The following PLA2G4A variants were observed in gnomAD, a reference collection of about 807,000 sequenced individuals.
The protein encoded by PLA2G4A is cytosolic phospholipase A2.
PLA2G4A carries 40 observed loss-of-function variants against 81.9 expected under a neutral mutation model. That is an observed-to-expected ratio of 0.49 (90% CI 0.38 to 0.64). The LOEUF (loss-of-function observed/expected upper bound fraction) is 0.64, where lower values mean the gene tolerates loss of function less well. Ranked by LOEUF, PLA2G4A falls within the 30% of genes least tolerant of loss-of-function variation. The probability of loss-of-function intolerance (pLI) is 0.00; values close to 1 mark genes in which losing one functional copy is unlikely to be tolerated. For synonymous variants in PLA2G4A, 302 were observed against 296.9 expected, an observed-to-expected ratio of 1.02 and a Z score of -0.18; for missense variants, 715 against 905.1, an observed-to-expected ratio of 0.79 and a Z score of 2.69.
chr1:186,852,727 C>A (rs12720493), intron 1 of PLA2G4A, among the ~76,000 whole-genome samples: 1 of 151,948 alleles, frequency 6.6e-6, no homozygotes, highest in Non-Finnish European at 1.5e-5. Flanking sequence ...AAGGCCCCAC[C>A]TCCCAATACC....
chr1:186,950,449 T>A (rs928691948), intron 12 of PLA2G4A, among the ~76,000 whole-genome samples: 1 of 152,156 alleles, frequency 6.6e-6, no homozygotes, highest in African/African-American at 2.4e-5. Flanking sequence ...AACTAATTTT[T>A]CATGTCCCAG....
chr1:186,924,040 T>C (rs1655457476), intron 7 of PLA2G4A, among the ~76,000 whole-genome samples: 1 of 152,218 alleles, frequency 6.6e-6, no homozygotes, highest in Admixed American at 6.5e-5. Context: ...CTCCCTTTGC[T>C]TTCAAATGCA....
At chr1:186,984,159 C>T (rs1449888903) in intron 17 of PLA2G4A, among the ~76,000 whole-genome samples, 1 of 152,028 alleles carries the variant, frequency 6.6e-6, no homozygotes, top group Non-Finnish European at 1.5e-5. Context: ...ATTTCATTGA[C>T]TTACTGTGGG....
chr1:186,829,420 C>G (rs1307443750), intron 1 of PLA2G4A, among the ~76,000 whole-genome samples: 1 of 152,222 alleles, frequency 6.6e-6, no homozygotes, highest in East Asian at 1.9e-4. Flanking sequence ...TGCTGTTTGA[C>G]AGCCCTAGCG....
intron 1 of PLA2G4A, among the ~76,000 whole-genome samples, chr1:186,848,576 T>C (rs1652267392): frequency 6.6e-6 from 1 of 152,298 alleles, no homozygotes; most frequent in African/African-American, 2.4e-5. Context: ...AGAAAAGTTC[T>C]GAGGCTGCCT....
At chr1:186,949,503 G>A (rs185152411) in intron 12 of PLA2G4A, among the ~76,000 whole-genome samples, 69 of 152,054 alleles carry the variant, frequency 4.5e-4, no homozygotes, top group African/African-American at 1.5e-3. Context: ...ATGGCACCTG[G>A]GATAGATCAT....
intron 2 of PLA2G4A, among the ~76,000 whole-genome samples, chr1:186,867,457 C>T (rs948600623): frequency 2.6e-5 from 4 of 151,862 alleles, no homozygotes; most frequent in Non-Finnish European, 5.9e-5. Context: ...TTGGGGAGTG[C>T]TAATATAAGT....
intron 1 of PLA2G4A, among the ~76,000 whole-genome samples, chr1:186,829,600 A>G (rs896947386): frequency 6.6e-6 from 1 of 151,966 alleles, no homozygotes; most frequent in Admixed American, 6.6e-5. Flanking sequence ...CTGATGATCC[A>G]CCCTTCCCCT....
intron 5 of PLA2G4A, among the ~76,000 whole-genome samples, chr1:186,895,766 G>A (rs1471105557): frequency 3.3e-5 from 5 of 152,210 alleles, no homozygotes; most frequent in African/African-American, 1.2e-4. Flanking sequence ...TTTTGAACAA[G>A]TTGAACAGTG....
chr1:186,929,816 A>G (rs1020358177), intron 7 of PLA2G4A, among the ~76,000 whole-genome samples: 1 of 152,204 alleles, frequency 6.6e-6, no homozygotes, highest in African/African-American at 2.4e-5. Flanking sequence ...AATCCCAGCA[A>G]GTTGGGAGGG....
chr1:186,960,047 A>G (rs1262467487), intron 14 of PLA2G4A, among the ~76,000 whole-genome samples: 2 of 152,166 alleles, frequency 1.3e-5, no homozygotes, highest in African/African-American at 4.8e-5. Context: ...AAAGTGCGCT[A>G]TTTTTGTGCC....
At chr1:186,903,124 T>C (rs909026534) in intron 5 of PLA2G4A, among the ~76,000 whole-genome samples, 61 of 152,148 alleles carry the variant, frequency 4.0e-4, no homozygotes, top group African/African-American at 1.4e-3. Flanking sequence ...TGACTTTATT[T>C]ATTATCCTGC....
rs1281736503 is a variant in PLA2G4A, at chr1:186,907,019, A to G, written c.416+17A>G. On this transcript the variant is annotated intron_variant, in intron 6 of 17. Transcript: ENST00000367466. The stretch of plus-strand genomic sequence containing the variant: ...TGAAGTTTGGTAAGTGCATTTATTT[A>G]GTTGGATGAGAAATATTGTGAGTGA... The G allele has an allele frequency of 2.2e-6, 3 of 1,360,920 alleles. No homozygotes were observed. The highest frequency in any genetic ancestry group is 1.2e-5 in the South Asian group (1 of 85,344). The allele number at this position is 1,360,920 out of a possible 1,614,324, so 84.3% of individuals were successfully genotyped here. A position where few individuals can be genotyped will look rare whatever the true frequency, so the allele number is the denominator to read the frequency against.
intron 7 of PLA2G4A, among the ~76,000 whole-genome samples, chr1:186,931,802 A>G (rs1655756516): frequency 6.6e-6 from 1 of 152,146 alleles, no homozygotes; most frequent in South Asian, 2.1e-4. Context: ...AGCATTTGTA[A>G]GACTGAGTGC....
chr1:186,893,962 T>A, intron 4 of PLA2G4A, 136 bp from the exon 5 acceptor site: 1 of 639,094 alleles, frequency 1.6e-6, no homozygotes, highest in South Asian at 1.8e-5. Context: ...TTGTTACTAA[T>A]TAAATATTGA....
intron 7 of PLA2G4A, among the ~76,000 whole-genome samples, chr1:186,924,189 T>C (rs1655464000): frequency 6.6e-6 from 1 of 152,208 alleles, no homozygotes; most frequent in Non-Finnish European, 1.5e-5. Flanking sequence ...TATAAACATG[T>C]TCTAAACTCA....
At chr1:186,834,521 A>G (rs147819775) in intron 1 of PLA2G4A, among the ~76,000 whole-genome samples, 1 of 152,118 alleles carries the variant, frequency 6.6e-6, no homozygotes, top group East Asian at 1.9e-4. Context: ...CATCAGAAAA[A>G]TTACTGGAGA....
intron 2 of PLA2G4A, among the ~76,000 whole-genome samples, chr1:186,858,711 A>G (rs10732978): frequency 0.77 from 117,134 of 151,942 alleles, 45,702 homozygotes; most frequent in Middle Eastern, 0.84. Flanking sequence ...ATGTGGTAAT[A>G]TTATATTATA....
chr1:186,877,027 GA>G, intron 3 of PLA2G4A, among the ~76,000 whole-genome samples: 1 of 152,154 alleles, frequency 6.6e-6, no homozygotes, highest in East Asian at 1.9e-4. Context: ...ATTGGGGTGA[GA>G]AGCAGGGTGT....
Sources: allele counts gnomAD v4.1 joint callset (sites outside exome capture counted in the v4.1 genomes callset), GRCh38; gene constraint gnomAD v4.1.1; transcripts MANE v1.5; gene names NCBI Gene and HGNC (gene_info 2026-07-23, HGNC 2026-07-21).